RAB11FIP4: variants seen among roughly 807,000 people sequenced by gnomAD.
RAB11FIP4 encodes the protein rab11 family-interacting protein 4.
Under a neutral mutation model 74.3 loss-of-function variants are expected in RAB11FIP4, and 23 were observed. The observed-to-expected ratio is 0.31, with a 90% CI of 0.22 to 0.44. RAB11FIP4 has a LOEUF of 0.44. RAB11FIP4 is among the 20% of genes least tolerant of loss of function. The probability of loss-of-function intolerance (pLI) is 1.00; values close to 1 mark genes in which losing one functional copy is unlikely to be tolerated. For missense variants in RAB11FIP4, 630 were observed against 863.9 expected, an observed-to-expected ratio of 0.73 and a Z score of 3.39; for synonymous variants, 360 against 359.9, an observed-to-expected ratio of 1.00 and a Z score of 0.00.
In RAB11FIP4 at chr17:31,506,394, A is replaced by G. The variant is rs140281023; in HGVS notation, c.337-11257A>G. On this transcript the variant is annotated intron_variant, in intron 3 of 14. Transcript: ENST00000621161. ...AAACACTTGTCATTTCTTTGTGGTG[A>G]GAACATTCAAAATGCTATCTTCTAG... 4.8e-3 allele frequency among the ~76,000 whole-genome samples: 735 copies of G among 152,350 alleles called. 7 individuals are homozygous for G. The highest frequency in any genetic ancestry group is 0.031 in the South Asian group (152 of 4,826).
At chr17:31,435,751 C>T (rs1486107611) in intron 3 of RAB11FIP4, among the ~76,000 whole-genome samples, 1 of 152,188 alleles carries the variant, frequency 6.6e-6, no homozygotes, top group African/African-American at 2.4e-5. Context: ...GAGAGGGACA[C>T]AGTGCTGAGG....
intron 3 of RAB11FIP4, among the ~76,000 whole-genome samples, chr17:31,499,323 C>T (rs1306625247): frequency 6.6e-6 from 1 of 152,066 alleles, no homozygotes; most frequent in African/African-American, 2.4e-5. Flanking sequence ...ACTCTCTGGA[C>T]ACCATTCCCC....
At chr17:31,515,826 G>C (rs2072535623) in intron 3 of RAB11FIP4, among the ~76,000 whole-genome samples, 1 of 152,184 alleles carries the variant, frequency 6.6e-6, no homozygotes, top group Admixed American at 6.5e-5. Context: ...ACAGAGAGCT[G>C]CCCCTCGGTC....
chr17:31,492,844 G>GC (rs892667841), intron 3 of RAB11FIP4, among the ~76,000 whole-genome samples: 3 of 122,206 alleles, frequency 2.5e-5, no homozygotes, highest in Non-Finnish European at 5.2e-5. Flanking sequence ...CAGGAGCTGA[G>GC]CCCCCCTCAA....
intron 3 of RAB11FIP4, among the ~76,000 whole-genome samples, chr17:31,502,638 C>T (rs1482630073): frequency 1.3e-5 from 2 of 152,092 alleles, no homozygotes; most frequent in African/African-American, 4.8e-5. Context: ...CTTTTGTTAT[C>T]AGGGTGAGAA....
chr17:31,398,997 A>G (rs1248973554), intron 1 of RAB11FIP4, among the ~76,000 whole-genome samples: 1 of 152,144 alleles, frequency 6.6e-6, no homozygotes, highest in Non-Finnish European at 1.5e-5. Flanking sequence ...GCTCCTGGAC[A>G]ATGGTGCCCC....
chr17:31,462,718 C>A (rs1323680225), intron 3 of RAB11FIP4, among the ~76,000 whole-genome samples: 1 of 152,140 alleles, frequency 6.6e-6, no homozygotes, highest in African/African-American at 2.4e-5. Flanking sequence ...CTCACTGCAA[C>A]CTCCGCCTCC....
chr17:31,410,369 C>T (rs762522541), intron 1 of RAB11FIP4, among the ~76,000 whole-genome samples: 1 of 152,082 alleles, frequency 6.6e-6, no homozygotes, highest in Non-Finnish European at 1.5e-5. Context: ...CCTGCACCTG[C>T]GGCTGCAGAT....
chr17:31,452,645 C>T (rs997326184), intron 3 of RAB11FIP4, among the ~76,000 whole-genome samples: 6 of 152,168 alleles, frequency 3.9e-5, no homozygotes, highest in Non-Finnish European at 7.3e-5. Context: ...TGGGACCACG[C>T]GGAAAGAGCC....
At chr17:31,429,312 G>A (rs2071283759) in intron 1 of RAB11FIP4, among the ~76,000 whole-genome samples, 1 of 152,182 alleles carries the variant, frequency 6.6e-6, no homozygotes, top group Non-Finnish European at 1.5e-5. Context: ...AAGGCTTTCT[G>A]CAGTGAGGTC....
rs962850802 is a variant in RAB11FIP4, at chr17:31,534,168, C to G, written c.*2436C>G. 6.6e-5 allele frequency: 10 copies of G among 152,192 alleles called. No homozygotes were observed. Among genetic ancestry groups the G allele is most frequent in the Admixed American group, 4.6e-4 (7 of 15,270 alleles). 9.4% of individuals were successfully genotyped at this position (152,192 alleles called of 1,614,324 possible). On this transcript the variant is annotated 3_prime_UTR_variant, in exon 15 of 15. Transcript: ENST00000621161. ...TTGATCTTTGTTTCTGCCCTTACCCCTCAGTAGTGGGGCTGCGAGGTAGTA... is the reference window on the plus strand; with the variant it reads ...TTGATCTTTGTTTCTGCCCTTACCCGTCAGTAGTGGGGCTGCGAGGTAGTA...
At chr17:31,426,262 G>A (rs542088552) in intron 1 of RAB11FIP4, among the ~76,000 whole-genome samples, 1 of 152,174 alleles carries the variant, frequency 6.6e-6, no homozygotes, top group South Asian at 2.1e-4. Flanking sequence ...ACTACAGGTG[G>A]GCAAAAATTT....
At chr17:31,434,503 A>G (rs1305888368) in intron 3 of RAB11FIP4, among the ~76,000 whole-genome samples, 2 of 152,074 alleles carry the variant, frequency 1.3e-5, no homozygotes, top group African/African-American at 2.4e-5. Flanking sequence ...GAATTCTCCA[A>G]TTCTCTGACA....
At chr17:31,430,230 C>T (rs1002304137) in intron 1 of RAB11FIP4, among the ~76,000 whole-genome samples, 17 of 152,032 alleles carry the variant, frequency 1.1e-4, no homozygotes, top group South Asian at 4.1e-4. Flanking sequence ...TGGTGGTTTC[C>T]GTGAGGAGCT....
At chr17:31,456,714 A>G (rs1254568469) in intron 3 of RAB11FIP4, among the ~76,000 whole-genome samples, 1 of 152,042 alleles carries the variant, frequency 6.6e-6, no homozygotes, top group Non-Finnish European at 1.5e-5. Flanking sequence ...CTTTTTCTCT[A>G]TGGTTTATTT....
intron 3 of RAB11FIP4, among the ~76,000 whole-genome samples, chr17:31,483,467 C>A (rs779144456): frequency 3.3e-5 from 5 of 152,156 alleles, no homozygotes; most frequent in Admixed American, 1.3e-4. Context: ...TTATACTATA[C>A]CAGTGATTTT....
chr17:31,407,591 T>G (rs565372651), intron 1 of RAB11FIP4, among the ~76,000 whole-genome samples: 1 of 152,342 alleles, frequency 6.6e-6, no homozygotes, highest in South Asian at 2.1e-4. Flanking sequence ...ATAACATTGA[T>G]GTTTCTGAGG....
chr17:31,471,214 C>T (rs1190482188), intron 3 of RAB11FIP4, among the ~76,000 whole-genome samples: 6 of 151,316 alleles, frequency 4.0e-5, no homozygotes, highest in Admixed American at 4.0e-4. Flanking sequence ...AGGCACACAC[C>T]ACCATGCCCA....
At chr17:31,488,467 C>T (rs972761791) in intron 3 of RAB11FIP4, 10 of 536,556 alleles carry the variant, frequency 1.9e-5, no homozygotes, top group African/African-American at 1.6e-4. Context: ...CAGCGCAGTT[C>T]CAGGAAGTGC....
Sources: gnomAD v4.1 joint callset for allele counts (sites outside exome capture counted in the v4.1 genomes callset) on GRCh38, gnomAD v4.1.1 for gene constraint, MANE v1.5 for transcripts, NCBI Gene and HGNC (gene_info 2026-07-23, HGNC 2026-07-21) for gene names.